Variants in HS3ST4 observed in about 807,000 individuals in gnomAD.
The protein encoded by HS3ST4 is heparan sulfate glucosamine 3-O-sulfotransferase 4.
A neutral mutation model predicts 29.2 loss-of-function variants in HS3ST4; 17 were observed. The observed-to-expected ratio is 0.58, with a 90% CI of 0.40 to 0.87. HS3ST4 has a LOEUF of 0.87. Ranked by LOEUF, HS3ST4 falls within the 40% of genes least tolerant of loss-of-function variation. The pLI is 0.00. For synonymous variants in HS3ST4, 314 were observed against 285.7 expected (o/e 1.10, Z -1.00); for missense variants, 627 against 634.5 (o/e 0.99, Z 0.13).
chr16:26,061,169 T>C (rs139180134), intron 1 of HS3ST4, among the ~76,000 whole-genome samples: 86 of 152,362 alleles, frequency 5.6e-4, no homozygotes, highest in Non-Finnish European at 9.3e-4. Flanking sequence ...AAAGTTCTTC[T>C]TATCTTTCTT....
chr16:25,716,885 C>A (rs1230992686), intron 1 of HS3ST4, among the ~76,000 whole-genome samples: 1 of 152,180 alleles, frequency 6.6e-6, no homozygotes, highest in Non-Finnish European at 1.5e-5. Context: ...GAAACCCCAT[C>A]TCTGCTAAAA....
At chr16:25,909,743 A>T (rs1968217231) in intron 1 of HS3ST4, among the ~76,000 whole-genome samples, 1 of 152,222 alleles carries the variant, frequency 6.6e-6, no homozygotes, top group Admixed American at 6.5e-5. Flanking sequence ...GTCTCTTTGA[A>T]CAAGTGTGCA....
intron 1 of HS3ST4, among the ~76,000 whole-genome samples, chr16:25,874,870 T>G (rs896727949): frequency 6.6e-6 from 1 of 152,178 alleles, no homozygotes. Context: ...ACTAGCTGTG[T>G]GGCCTTGTTC....
At chr16:25,853,390 T>C (rs1001557387) in intron 1 of HS3ST4, among the ~76,000 whole-genome samples, 1 of 152,118 alleles carries the variant, frequency 6.6e-6, no homozygotes, top group African/African-American at 2.4e-5. Context: ...GCGTTTAATT[T>C]CTTTCTTTCT....
chr16:26,091,065 G>C (rs7201156), intron 1 of HS3ST4, among the ~76,000 whole-genome samples: 82,028 of 151,878 alleles, frequency 0.54, 22,880 homozygotes, highest in African/African-American at 0.67. Context: ...TTAAGTTTTT[G>C]TTAGGCACAC....
At position 25,837,605 on chromosome 16, in the gene HS3ST4, C is replaced by T. The variant is rs147173990; in HGVS notation, c.734+144454C>T. On this transcript the variant is annotated intron_variant, in intron 1 of 1. Transcript: ENST00000331351. ...TTGATGGGATATGTGAATATTCCAA[C>T]CAGGATAGTCCTTTGTAAGGCGCAT... is the stretch of plus-strand genomic sequence containing the variant. Among the ~76,000 whole-genome samples, 4 of 152,096 alleles carry T rather than the reference C, an allele frequency of 2.6e-5. No individual in the cohort carries two copies. The East Asian group carries it at 5.8e-4, about 22-fold the overall frequency.
intron 1 of HS3ST4, among the ~76,000 whole-genome samples, chr16:26,132,673 G>T (rs1185966192): frequency 1.3e-5 from 2 of 152,178 alleles, no homozygotes; most frequent in East Asian, 3.9e-4. Flanking sequence ...GGGGCTCAGT[G>T]CAAAGAGAAG....
intron 1 of HS3ST4, among the ~76,000 whole-genome samples, chr16:25,887,948 C>T (rs974573106): frequency 3.9e-5 from 6 of 152,092 alleles, no homozygotes; most frequent in African/African-American, 1.2e-4. Flanking sequence ...CTGCCTGCCT[C>T]GGCCTCCCAA....
At chr16:25,861,043 A>C (rs1047978810) in intron 1 of HS3ST4, among the ~76,000 whole-genome samples, 4 of 152,210 alleles carry the variant, frequency 2.6e-5, no homozygotes, top group African/African-American at 7.2e-5. Flanking sequence ...AAAGAAAAGT[A>C]AAGTCTTAAA....
chr16:25,971,299 T>C (rs112035223), intron 1 of HS3ST4, among the ~76,000 whole-genome samples: 13,304 of 152,262 alleles, frequency 0.087, 774 homozygotes, highest in Non-Finnish European at 0.12. Flanking sequence ...TAAGGTGATG[T>C]ATCTGATGGA....
chr16:25,955,199 G>A (rs2141698883), intron 1 of HS3ST4, among the ~76,000 whole-genome samples: 1 of 152,230 alleles, frequency 6.6e-6, no homozygotes, highest in South Asian at 2.1e-4. Flanking sequence ...AGGTACCCTG[G>A]ACCTCTGGTG....
chr16:25,693,160 C>G lies in HS3ST4; in HGVS notation c.734+9C>G. ...GGGTTGGAGTGGTACAGGTAGGACCCTGGGCTCCGCGGGCTGGTGGAGACG... is the reference window on the plus strand; with the variant it reads ...GGGTTGGAGTGGTACAGGTAGGACCGTGGGCTCCGCGGGCTGGTGGAGACG... On this transcript the variant is annotated intron_variant, in intron 1 of 1. Transcript: ENST00000331351. 1 of 1,562,134 alleles carries G rather than the reference C, an allele frequency of 6.4e-7. No homozygotes were observed. The highest frequency in any genetic ancestry group is 8.7e-7 in the Non-Finnish European group (1 of 1,155,440).
chr16:25,933,651 G>A (rs1205917824), intron 1 of HS3ST4, among the ~76,000 whole-genome samples: 3 of 152,132 alleles, frequency 2.0e-5, no homozygotes, highest in African/African-American at 4.8e-5. Flanking sequence ...ATTTATAAAC[G>A]AAAGAGGTTT....
intron 1 of HS3ST4, among the ~76,000 whole-genome samples, chr16:26,089,144 G>C (rs1052210345): frequency 5.9e-5 from 9 of 152,126 alleles, no homozygotes; most frequent in African/African-American, 2.2e-4. Flanking sequence ...TGGTAGTCCT[G>C]GTCCCACTGT....
intron 1 of HS3ST4, among the ~76,000 whole-genome samples, chr16:26,011,415 C>CCAGG (rs1969309594): frequency 6.6e-6 from 1 of 152,136 alleles, no homozygotes; most frequent in Non-Finnish European, 1.5e-5. Context: ...CACAAATTAG[C>CCAGG]CAGGCGTGGT....
chr16:26,130,622 A>G (rs1899404799), intron 1 of HS3ST4, among the ~76,000 whole-genome samples: 1 of 152,210 alleles, frequency 6.6e-6, no homozygotes, highest in African/African-American at 2.4e-5. Flanking sequence ...GGTAGTTAAC[A>G]AGGACTCTGG....
chr16:26,062,610 G>T (rs56197860), intron 1 of HS3ST4: 21,979 of 143,782 alleles, frequency 0.15, 1,668 homozygotes, highest in Non-Finnish European at 0.17. Context: ...TATTGGTATA[G>T]TTTTTTTTTT....
chr16:25,917,890 C>T (rs1968307905), intron 1 of HS3ST4, among the ~76,000 whole-genome samples: 1 of 152,094 alleles, frequency 6.6e-6, no homozygotes, highest in South Asian at 2.1e-4. Flanking sequence ...AAAAATAAAA[C>T]AAACAGCTAA....
intron 1 of HS3ST4, among the ~76,000 whole-genome samples, chr16:25,761,756 C>A (rs749809200): frequency 4.6e-5 from 7 of 152,202 alleles, no homozygotes; most frequent in Non-Finnish European, 1.0e-4. Flanking sequence ...TTGTGCCCCA[C>A]GGGCATAATA....
Sources: gnomAD v4.1 joint callset for allele counts (sites outside exome capture counted in the v4.1 genomes callset) on GRCh38, gnomAD v4.1.1 for gene constraint, MANE v1.5 for transcripts, NCBI Gene and HGNC (gene_info 2026-07-23, HGNC 2026-07-21) for gene names.